The following NOSIP variants were observed in gnomAD, a reference collection of about 807,000 sequenced individuals.
NOSIP encodes nitric oxide synthase-interacting protein.
Under a neutral mutation model 36.4 loss-of-function variants are expected in NOSIP, and 25 were observed. That is an observed-to-expected ratio of 0.69 (90% CI 0.50 to 0.96). NOSIP has a LOEUF of 0.96. NOSIP is among the 40% of genes least tolerant of loss of function. The pLI is 0.00. For synonymous variants in NOSIP, 187 were observed against 179.2 expected (o/e 1.04, Z -0.35); for missense variants, 370 against 429.0 (o/e 0.86, Z 1.21).
chr19:49,570,549 C>T (rs2080470810), intron 1 of NOSIP, among the ~76,000 whole-genome samples: 1 of 152,120 alleles, frequency 6.6e-6, no homozygotes, highest in African/African-American at 2.4e-5. Context: ...CACGCCCCTT[C>T]CCGATCAATG....
At chr19:49,571,045 C>T (rs780882340) in intron 1 of NOSIP, among the ~76,000 whole-genome samples, 18 of 150,952 alleles carry the variant, frequency 1.2e-4, no homozygotes, top group South Asian at 4.2e-4. Flanking sequence ...GGTGTGATCT[C>T]GGCTCACTGC....
At chr19:49,577,764 C>CG (rs199755418) in intron 1 of NOSIP, among the ~76,000 whole-genome samples, 1,477 of 18,932 alleles carry the variant, frequency 0.078, 42 homozygotes, top group African/African-American at 0.28. Context: ...GGCCGTGTCT[C>CG]GGGAAAAAAA....
rs1450881314 is a variant in NOSIP, at chr19:49,555,685, A to G, written c.*66T>C. 2 of 1,403,390 alleles carry G rather than the reference A, an allele frequency of 1.4e-6. No individual in the cohort carries two copies. The highest frequency in any genetic ancestry group is 2.3e-5 in the East Asian group (1 of 43,554). 86.9% of individuals were successfully genotyped at this position (1,403,390 alleles called of 1,614,324 possible). ...CGCCTGCCCTGTCCCCGGGGCGCCC[A>G]CGCCGCGAATGAAGGCGCCACGTCG... On this transcript the variant is annotated 3_prime_UTR_variant, in exon 9 of 9. Transcript: ENST00000596358.
chr19:49,576,945 T>C (rs1391041030), intron 1 of NOSIP, among the ~76,000 whole-genome samples: 1 of 135,044 alleles, frequency 7.4e-6, no homozygotes, highest in African/African-American at 2.8e-5. Flanking sequence ...AGTGAGAATA[T>C]ATTAAAAACT....
chr19:49,575,053 G>C (rs1029776916), intron 1 of NOSIP, among the ~76,000 whole-genome samples: 5 of 151,950 alleles, frequency 3.3e-5, no homozygotes, highest in African/African-American at 4.8e-5. Flanking sequence ...TTAGTAGAGA[G>C]GGGGTTTCAC....
Position 49,560,882 on chromosome 19 carries a change from AC to A in NOSIP, c.-1-191del, listed in dbSNP as rs1431257198. 6.6e-6 allele frequency among the ~76,000 whole-genome samples: 1 copy of A among 152,100 alleles called. No individual in the cohort carries two copies. Among genetic ancestry groups the A allele is most frequent in the African/African-American group, 2.4e-5 (1 of 41,410 alleles). Reference sequence around the variant, plus strand: ...TCCAGGAAGTCCTCCTTCCAGACTCACCTAGACTCATTTATATGTGAAAATA... The same window carrying A: ...TCCAGGAAGTCCTCCTTCCAGACTCACTAGACTCATTTATATGTGAAAATA... On this transcript the variant is annotated intron_variant, in intron 1 of 8. Coordinates refer to ENST00000596358, the MANE Select transcript of NOSIP (RefSeq NM_001270960.2). The surrounding 1 kb of genome is among the most constrained non-coding windows in gnomAD (Gnocchi z 4.6).
chr19:49,575,504 T>C lies in NOSIP; in HGVS notation c.-2+5011A>G, dbSNP rs568409474. 3.6e-4 allele frequency among the ~76,000 whole-genome samples: 55 copies of C among 152,282 alleles called. No individual in the cohort carries two copies. In the South Asian group the frequency reaches 0.01, roughly 29 times the overall value. On this transcript the variant is annotated intron_variant, in intron 1 of 8. Coordinates refer to ENST00000596358, the MANE Select transcript of NOSIP (RefSeq NM_001270960.2). ...CTGAAAATGGGGCACCCAGGCAGTA[T>C]GCAACATGAAGCGACCAGCTCTGAA...
chr19:49,567,271 C>T (rs1474064895), intron 1 of NOSIP, among the ~76,000 whole-genome samples: 4 of 151,744 alleles, frequency 2.6e-5, no homozygotes, highest in Admixed American at 6.6e-5. Flanking sequence ...TACAGGCACC[C>T]GCCACCACAC....
intron 1 of NOSIP, among the ~76,000 whole-genome samples, chr19:49,577,359 C>A (rs1405387040): frequency 2.0e-5 from 3 of 151,540 alleles, no homozygotes; most frequent in Non-Finnish European, 4.4e-5. Context: ...GAAATCGAGA[C>A]CATCCTGGCC....
intron 4 of NOSIP, chr19:49,557,861 G>T (rs1342713698): frequency 5.1e-6 from 5 of 988,078 alleles, no homozygotes; most frequent in Non-Finnish European, 4.8e-6. Context: ...GAGTGAGGAG[G>T]TAACAGTGAC....
chr19:49,568,541 C>T (rs1430415481), intron 1 of NOSIP, among the ~76,000 whole-genome samples: 1 of 152,030 alleles, frequency 6.6e-6, no homozygotes, highest in Admixed American at 6.6e-5. Flanking sequence ...CCTGATATAT[C>T]AACTGCATTG....
chr19:49,560,457 T>G lies in NOSIP; in HGVS notation c.70+165A>C, dbSNP rs2080317481. 1.6e-6 allele frequency: 1 copy of G among 631,840 alleles called. No homozygotes were observed. The highest frequency in any genetic ancestry group is 2.9e-6 in the Non-Finnish European group (1 of 347,962). The allele number at this position is 631,840 out of a possible 1,614,324, so 39.1% of individuals were successfully genotyped here. ...GCAGAGAACACAGTGCCGGGCCACA[T>G]GGGGTCATGGGATCACCCAGCTGTT... On this transcript the variant is annotated intron_variant, in intron 2 of 8. Coordinates refer to ENST00000596358, the MANE Select transcript of NOSIP (RefSeq NM_001270960.2). This position sits in a 1 kb window ranked among gnomAD's most constrained non-coding sequence, Gnocchi z 4.6.
Position 49,564,470 on chromosome 19 carries a change from A to T in NOSIP, c.-1-3778T>A, listed in dbSNP as rs865996217. 2.0e-5 allele frequency among the ~76,000 whole-genome samples: 3 copies of T among 151,468 alleles called. No homozygotes were observed. In the East Asian group the frequency reaches 5.8e-4, roughly 29 times the overall value. ...CTCCATCTCAAAAAAAAAAAAAAAA[A>T]AAAAAACAAAATAAAACTTCATTGA... On this transcript the variant is annotated intron_variant, in intron 1 of 8. Transcript: ENST00000596358.
intron 1 of NOSIP, among the ~76,000 whole-genome samples, chr19:49,580,278 T>C (rs2080608475): frequency 6.7e-6 from 1 of 149,070 alleles, no homozygotes; most frequent in African/African-American, 2.5e-5. Flanking sequence ...ACCACTTGAC[T>C]GAGTTTATAG....
chr19:49,578,187 G>A (rs2080578871), intron 1 of NOSIP, among the ~76,000 whole-genome samples: 1 of 151,766 alleles, frequency 6.6e-6, no homozygotes, highest in African/African-American at 2.4e-5. Context: ...GAAGTGGCAT[G>A]ATCTCAGCTC....
At chr19:49,559,691 C>G in intron 3 of NOSIP, 1 of 527,038 alleles carries the variant, frequency 1.9e-6, no homozygotes, top group Non-Finnish European at 3.4e-6. Flanking sequence ...CTCCGATGGC[C>G]TCGGCAATGC....
intron 8 of NOSIP, 100 bp from the exon 9 acceptor site, chr19:49,555,922 C>T (rs1013335249): frequency 2.1e-5 from 18 of 850,112 alleles, no homozygotes; most frequent in Non-Finnish European, 3.5e-5. Flanking sequence ...CAAGGTGAAG[C>T]GGGTTGCTGG....
intron 4 of NOSIP, chr19:49,557,555 G>A (rs1223500207): frequency 4.0e-6 from 5 of 1,244,822 alleles, no homozygotes; most frequent in Non-Finnish European, 5.1e-6. Flanking sequence ...GCTCACTGAA[G>A]GGTTACATAA....
At chr19:49,557,801 C>T in intron 4 of NOSIP, 1 of 988,292 alleles carries the variant, frequency 1.0e-6, no homozygotes, top group Non-Finnish European at 1.2e-6. Flanking sequence ...TGGCGCACAG[C>T]AGTTGCCTGG....
Sources: gnomAD v4.1 joint callset for allele counts (sites outside exome capture counted in the v4.1 genomes callset) on GRCh38, gnomAD v4.1.1 for gene constraint, Gnocchi (gnomAD v3.1) non-coding constraint, MANE v1.5 for transcripts, NCBI Gene and HGNC (gene_info 2026-07-23, HGNC 2026-07-21) for gene names.